The following TANC1 variants were observed in gnomAD, a reference collection of about 807,000 sequenced individuals.
TANC1 encodes protein TANC1.
In TANC1, 77 loss-of-function variants were observed where a neutral mutation model predicts 149.7. The ratio of observed to expected loss-of-function variants is 0.51; its 90% confidence interval spans 0.43 to 0.62. The LOEUF is 0.62. Ranked by LOEUF, TANC1 falls within the 20% of genes least tolerant of loss-of-function variation. The probability of loss-of-function intolerance (pLI) is 0.00; values close to 1 mark genes in which losing one functional copy is unlikely to be tolerated. For synonymous variants in TANC1, 854 were observed against 925.0 expected, an observed-to-expected ratio of 0.92 and a Z score of 1.39; for missense variants, 1,985 against 2,321.8, an observed-to-expected ratio of 0.85 and a Z score of 2.98.
At chr2:158,977,469 C>T (rs1016607961) in intron 1 of TANC1, among the ~76,000 whole-genome samples, 7 of 152,124 alleles carry the variant, frequency 4.6e-5, no homozygotes, top group African/African-American at 1.7e-4. Context: ...CACCACCACA[C>T]CTGGCTAATT....
chr2:159,168,426 A>G (rs1249775979), intron 8 of TANC1, among the ~76,000 whole-genome samples: 2 of 151,336 alleles, frequency 1.3e-5, no homozygotes, highest in East Asian at 1.9e-4. Context: ...TAGCCTCCCA[A>G]GTAGCTGGGA....
At chr2:159,197,746 C>A (rs79563504) in intron 18 of TANC1, among the ~76,000 whole-genome samples, 1 of 152,112 alleles carries the variant, frequency 6.6e-6, no homozygotes, top group Non-Finnish European at 1.5e-5. Flanking sequence ...TTAATCCATG[C>A]TAACCCCCTT....
At chr2:159,171,198 T>A (rs2055167147) in intron 10 of TANC1, among the ~76,000 whole-genome samples, 1 of 152,238 alleles carries the variant, frequency 6.6e-6, no homozygotes. Context: ...AGCCTTCGTC[T>A]TCTGTATTGG....
chr2:159,054,681 A>C (rs1370878374), intron 2 of TANC1, among the ~76,000 whole-genome samples: 2 of 152,178 alleles, frequency 1.3e-5, no homozygotes, highest in Non-Finnish European at 2.9e-5. Context: ...GGTTTATAAT[A>C]CCAAATTTCA....
rs543535520 is a variant in TANC1 at position 158,994,365 on chromosome 2, G to A, written c.-125-6715G>A. On this transcript the variant is annotated intron_variant, in intron 1 of 26. Coordinates refer to ENST00000263635, the MANE Select transcript of TANC1 (RefSeq NM_033394.3). The stretch of plus-strand genomic sequence containing the variant: ...GCTCACTGCAGCCTCCAACTCCTGG[G>A]GTCAAGCAATTTTCCAGCCTCTGCC... Among the ~76,000 whole-genome samples the A allele has an allele frequency of 2.6e-5, 4 of 152,232 alleles. No individual in the cohort carries two copies. The East Asian group carries it at 7.7e-4, about 29-fold the overall frequency.
chr2:158,998,291 A>C (rs892845370), intron 1 of TANC1, among the ~76,000 whole-genome samples: 1 of 152,100 alleles, frequency 6.6e-6, no homozygotes, highest in Non-Finnish European at 1.5e-5. Flanking sequence ...GTGAATACTG[A>C]CATACCCCCC....
chr2:158,974,165 T>C (rs2033309936), intron 1 of TANC1, among the ~76,000 whole-genome samples: 1 of 152,200 alleles, frequency 6.6e-6, no homozygotes. Flanking sequence ...TCCTTGCTTC[T>C]TGTGGCTTAA....
chr2:159,154,986 C>T (rs1365727755), intron 7 of TANC1, among the ~76,000 whole-genome samples: 1 of 152,152 alleles, frequency 6.6e-6, no homozygotes, highest in African/African-American at 2.4e-5. Context: ...ATATGTCTTG[C>T]TTCCAACTGT....
chr2:158,973,833 TCCAC>T (rs1383887656), intron 1 of TANC1, among the ~76,000 whole-genome samples: 1 of 152,184 alleles, frequency 6.6e-6, no homozygotes, highest in African/African-American at 2.4e-5. Flanking sequence ...AGTGGACTTG[TCCAC>T]ATTCTGTGGG....
At chr2:159,221,699 A>G (rs541964678) in intron 22 of TANC1, among the ~76,000 whole-genome samples, 21 of 152,332 alleles carry the variant, frequency 1.4e-4, no homozygotes, top group Admixed American at 2.6e-4. Flanking sequence ...GTATTTCATC[A>G]TGTACATATA....
chr2:159,074,659 T>C (rs1441402925), intron 3 of TANC1, among the ~76,000 whole-genome samples: 1 of 152,214 alleles, frequency 6.6e-6, no homozygotes, highest in East Asian at 1.9e-4. Flanking sequence ...AAAGCTTCTT[T>C]CCAAGTACGA....
At chr2:159,204,172 G>A (rs945692266) in intron 19 of TANC1, among the ~76,000 whole-genome samples, 2 of 152,206 alleles carry the variant, frequency 1.3e-5, no homozygotes, top group African/African-American at 4.8e-5. Context: ...TATAGGTATT[G>A]ACCAAGTGGA....
At chr2:159,093,181 G>T (rs1170452013) in intron 3 of TANC1, among the ~76,000 whole-genome samples, 1 of 152,206 alleles carries the variant, frequency 6.6e-6, no homozygotes, top group Admixed American at 6.5e-5. Flanking sequence ...GTCCTACCTG[G>T]CATTTCTGCC....
At chr2:159,061,014 A>G (rs149971267) in intron 2 of TANC1, among the ~76,000 whole-genome samples, 10 of 152,350 alleles carry the variant, frequency 6.6e-5, no homozygotes, top group African/African-American at 2.4e-4. Flanking sequence ...TACCAGAAGT[A>G]AAAGTAAGCT....
At position 159,136,245 on chromosome 2, in the gene TANC1, C is replaced by T; in HGVS notation, c.311C>T (p.Ala104Val). 6.2e-7 allele frequency: 1 copy of T among 1,613,436 alleles called. No homozygotes were observed. The highest frequency in any genetic ancestry group is 8.5e-7 in the Non-Finnish European group (1 of 1,179,402). Residue 104 changes from alanine to valine, a missense_variant, in exon 5 of 27, where the codon GCA becomes GTA. Physicochemically the swap from Ala to Val is moderately conservative, Grantham distance 64. Around this residue, in one of 3 missense-constraint regions of TANC1, gnomAD observed 557 missense variants for 612.9 expected, o/e 0.91. Coordinates refer to ENST00000263635, the MANE Select transcript of TANC1 (RefSeq NM_033394.3). ...YVESPRVPGD[A>V]VIMPFREVAK... Reference sequence around the variant, plus strand: ...GAAAGCCCCAGAGTGCCTGGAGATGCAGTTATAATGCCATTCAGAGAAGTA... The same window carrying T: ...GAAAGCCCCAGAGTGCCTGGAGATGTAGTTATAATGCCATTCAGAGAAGTA...
At chr2:159,093,135 G>T (rs1365926615) in intron 3 of TANC1, among the ~76,000 whole-genome samples, 32 of 152,230 alleles carry the variant, frequency 2.1e-4, no homozygotes, top group Admixed American at 2.1e-3. Flanking sequence ...ACTAGTCATT[G>T]ATAACATAGT....
intron 17 of TANC1, among the ~76,000 whole-genome samples, chr2:159,194,782 G>A (rs935430673): frequency 3.3e-5 from 5 of 152,330 alleles, no homozygotes; most frequent in East Asian, 1.9e-4. Flanking sequence ...TGCAAGTATC[G>A]ATCTAGAAAG....
chr2:158,979,150 C>T (rs2034015972), intron 1 of TANC1, among the ~76,000 whole-genome samples: 1 of 152,114 alleles, frequency 6.6e-6, no homozygotes, highest in Non-Finnish European at 1.5e-5. Flanking sequence ...AGGTGAATCT[C>T]TTTTGGGATC....
intron 4 of TANC1, among the ~76,000 whole-genome samples, chr2:159,100,959 C>T (rs1325779568): frequency 6.6e-6 from 1 of 152,122 alleles, no homozygotes; most frequent in Non-Finnish European, 1.5e-5. Context: ...ACTGTTGCTG[C>T]TAATGATAGA....
Sources: allele counts gnomAD v4.1 joint callset (sites outside exome capture counted in the v4.1 genomes callset), GRCh38; gene constraint gnomAD v4.1.1; regional missense constraint gnomAD v4.1.1; transcripts MANE v1.5; gene names NCBI Gene and HGNC (gene_info 2026-07-23, HGNC 2026-07-21).